Variants in RIC1 observed in about 807,000 individuals in gnomAD.
RIC1 encodes the protein guanine nucleotide exchange factor subunit RIC1.
Under a neutral mutation model 169.0 loss-of-function variants are expected in RIC1, and 88 were observed. The ratio of observed to expected loss-of-function variants is 0.52; its 90% confidence interval spans 0.44 to 0.62. The LOEUF is 0.62. Among genes scored for constraint, RIC1 ranks in the 20% least tolerant of loss-of-function variants. The probability of loss-of-function intolerance (pLI) is 0.00; values close to 1 mark genes in which losing one functional copy is unlikely to be tolerated. For synonymous variants in RIC1, 790 were observed against 601.5 expected (o/e 1.31, Z -4.59); for missense variants, 1,877 against 1,725.5 (o/e 1.09, Z -1.56).
chr9:5,700,553 T>A (rs912203948), intron 3 of RIC1, among the ~76,000 whole-genome samples: 13 of 151,756 alleles, frequency 8.6e-5, no homozygotes, highest in African/African-American at 3.1e-4. Flanking sequence ...ACAAATTAAA[T>A]TCTCTTACGT....
intron 14 of RIC1, among the ~76,000 whole-genome samples, chr9:5,754,639 G>A (rs1207440130): frequency 1.3e-5 from 2 of 152,152 alleles, no homozygotes; most frequent in East Asian, 3.9e-4. Flanking sequence ...GCTGAGACAT[G>A]AGAATTCCTT....
chr9:5,764,147 T>C (rs1741657812), intron 19 of RIC1, among the ~76,000 whole-genome samples: 1 of 152,218 alleles, frequency 6.6e-6, no homozygotes, highest in South Asian at 2.1e-4. Context: ...TTAATATGTA[T>C]ATTAGAATAC....
rs778680508 is a variant in RIC1 at position 5,689,999 on chromosome 9, C to T, written c.293C>T (p.Thr98Ile). 17 of 1,599,654 alleles carry T rather than the reference C, an allele frequency of 1.1e-5. No homozygotes were observed. The highest frequency in any genetic ancestry group is 9.4e-6 in the Non-Finnish European group (11 of 1,175,454). ...ATCTTGTTTTTTCATATTACATCTA[C>T]AAGAGGGGACAAGTACCTTTATGAA... Reference protein sequence around the residue: ...GYILFFHITSTRGDKYLYEPV... With the variant: ...GYILFFHITSIRGDKYLYEPV... Residue 98 changes from threonine (T) to isoleucine (I), a missense_variant, in exon 3 of 26, where the codon ACA (threonine) becomes ATA (isoleucine). By Grantham distance (89) the Thr-to-Ile change is moderately conservative. Around this residue, in one of 3 missense-constraint regions of RIC1, gnomAD observed 1,104 missense variants for 992.0 expected, o/e 1.11. Transcript: ENST00000414202.
At chr9:5,686,604 A>C (rs1272393319) in intron 2 of RIC1, among the ~76,000 whole-genome samples, 3 of 128,630 alleles carry the variant, frequency 2.3e-5, no homozygotes, top group Non-Finnish European at 3.1e-5. Flanking sequence ...ATGAAGGGGA[A>C]TATCACACTC....
intron 10 of RIC1, among the ~76,000 whole-genome samples, chr9:5,744,017 G>A (rs1587089590): frequency 1.3e-5 from 2 of 149,618 alleles, no homozygotes; most frequent in East Asian, 4.1e-4. Context: ...GCCCAGGCTG[G>A]CCCCCTTTTT....
intron 12 of RIC1, among the ~76,000 whole-genome samples, chr9:5,748,417 A>G (rs1474769613): frequency 6.6e-6 from 1 of 152,234 alleles, no homozygotes; most frequent in African/African-American, 2.4e-5. Context: ...ATTATCTCCT[A>G]CATTGACATC....
chr9:5,761,830 T>TA (rs1341575496), intron 17 of RIC1, among the ~76,000 whole-genome samples: 1 of 152,216 alleles, frequency 6.6e-6, no homozygotes, highest in East Asian at 1.9e-4. Flanking sequence ...CAATTGGAAA[T>TA]CATTATACTA....
rs574693257 is a variant in RIC1 at position 5,633,314 on chromosome 9, T to TA, written c.144+3862dup. On this transcript the variant is annotated intron_variant, in intron 1 of 25. Transcript: ENST00000414202. ...CCATTTCTCACCCTTTTAACTCTATTACTTTCTCCAGAGAGCCTTCTTTAT... is the reference window on the plus strand; with the variant it reads ...CCATTTCTCACCCTTTTAACTCTATTAACTTTCTCCAGAGAGCCTTCTTTAT... Among the ~76,000 whole-genome samples the TA allele has an allele frequency of 3.9e-4, 60 of 152,282 alleles. No homozygotes were observed. The East Asian group carries it at 6.9e-3, about 18-fold the overall frequency.
At chr9:5,742,161 T>C (rs1256976601) in intron 8 of RIC1, among the ~76,000 whole-genome samples, 3 of 152,188 alleles carry the variant, frequency 2.0e-5, no homozygotes, top group Non-Finnish European at 2.9e-5. Flanking sequence ...TCATTCTCTC[T>C]TATACCATGG....
At chr9:5,718,501 T>G (rs1272385116) in intron 4 of RIC1, among the ~76,000 whole-genome samples, 1 of 152,132 alleles carries the variant, frequency 6.6e-6, no homozygotes, top group Non-Finnish European at 1.5e-5. Context: ...TAATCTATAA[T>G]CAGAGAAAGA....
At chr9:5,778,022 T>TTGTATTCATG (rs1423358793), downstream of RIC1, among the ~76,000 whole-genome samples, 1 of 152,182 alleles carries the variant, frequency 6.6e-6, no homozygotes, top group Admixed American at 6.5e-5. Flanking sequence ...TTCATAAGCG[T>TTGTATTCATG]TGTATTCATG....
At chr9:5,663,328 G>C (rs1413118675) in intron 2 of RIC1, among the ~76,000 whole-genome samples, 3 of 152,136 alleles carry the variant, frequency 2.0e-5, no homozygotes, top group African/African-American at 7.2e-5. Context: ...GAGTTCTGTA[G>C]ATATCTGTCA....
intron 3 of RIC1, among the ~76,000 whole-genome samples, chr9:5,704,301 C>G (rs756333651): frequency 2.2e-4 from 34 of 151,540 alleles, no homozygotes; most frequent in Non-Finnish European, 4.3e-4. Flanking sequence ...TCCTTGATTT[C>G]TTGGGCTCAA....
intron 7 of RIC1, among the ~76,000 whole-genome samples, chr9:5,733,519 C>T (rs1224367401): frequency 1.3e-5 from 2 of 152,028 alleles, no homozygotes; most frequent in South Asian, 2.1e-4. Context: ...CCGCCTTGGC[C>T]TCCCACAGTG....
chr9:5,733,920 T>C (rs773448043), intron 7 of RIC1, among the ~76,000 whole-genome samples: 41 of 151,482 alleles, frequency 2.7e-4, no homozygotes, highest in Non-Finnish European at 5.6e-4. Context: ...CATCTTTGAA[T>C]GTTTGGTAGA....
chr9:5,765,751 C>A lies in RIC1; in HGVS notation c.3090C>A (p.Phe1030Leu). The A allele has an allele frequency of 6.2e-7, 1 of 1,614,134 alleles. No individual in the cohort carries two copies. The highest frequency in any genetic ancestry group is 8.5e-7 in the Non-Finnish European group (1 of 1,179,994). The change falls in exon 21 of 26, where the codon TTC (phenylalanine) becomes TTA (leucine). Residue 1030 changes from phenylalanine (F) to leucine (L), a missense_variant. Physicochemically the swap from Phe to Leu is conservative, Grantham distance 22. Transcript: ENST00000414202. Reference protein sequence around the residue: ...QSAENVPASKFSLQKTLSMPS... With the variant: ...QSAENVPASKLSLQKTLSMPS... The stretch of plus-strand genomic sequence containing the variant: ...CTGAAAATGTTCCTGCCAGTAAATT[C>A]AGTTTACAGAAAACACTAAGTATGC...
At chr9:5,693,044 A>T (rs888659614) in intron 3 of RIC1, among the ~76,000 whole-genome samples, 1 of 151,896 alleles carries the variant, frequency 6.6e-6, no homozygotes, top group African/African-American at 2.4e-5. Context: ...TACTGTCTCA[A>T]CCCTGTTTAT....
At chr9:5,660,895 C>T (rs191020390) in intron 2 of RIC1, among the ~76,000 whole-genome samples, 3 of 152,256 alleles carry the variant, frequency 2.0e-5, no homozygotes, top group East Asian at 1.9e-4. Flanking sequence ...GTTGCAATTG[C>T]TTTTGTCATC....
At chr9:5,776,686 T>C (rs1315186415), downstream of RIC1, 1 of 152,024 alleles carries the variant, frequency 6.6e-6, no homozygotes, top group African/African-American at 2.4e-5. Context: ...TATTTATATG[T>C]AGATTTAGAA....
Sources: allele counts gnomAD v4.1 joint callset (sites outside exome capture counted in the v4.1 genomes callset), GRCh38; gene constraint gnomAD v4.1.1; regional missense constraint gnomAD v4.1.1; transcripts MANE v1.5; gene names NCBI Gene and HGNC (gene_info 2026-07-23, HGNC 2026-07-21).